Variants in LDB2 observed in about 807,000 individuals in gnomAD.
LDB2 encodes the protein LIM domain-binding protein 2.
Under a neutral mutation model 44.3 loss-of-function variants are expected in LDB2, and 12 were observed. That is an observed-to-expected ratio of 0.27 (90% confidence interval 0.17 to 0.44). The LOEUF is 0.44. Ranked by LOEUF, LDB2 falls within the 20% of genes least tolerant of loss-of-function variation. LDB2 has a pLI of 1.00. For missense variants in LDB2, 344 were observed against 473.5 expected, an observed-to-expected ratio of 0.73 and a Z score of 2.54; for synonymous variants, 164 against 174.8, an observed-to-expected ratio of 0.94 and a Z score of 0.49.
chr4:16,573,105 T>C (rs1291469012), intron 5 of LDB2, among the ~76,000 whole-genome samples: 3 of 152,238 alleles, frequency 2.0e-5, no homozygotes, highest in African/African-American at 7.2e-5. Flanking sequence ...CAGGAAAACG[T>C]TGCTGCGGGA....
intron 2 of LDB2, among the ~76,000 whole-genome samples, chr4:16,596,520 A>G (rs1704297156): frequency 6.6e-6 from 1 of 152,150 alleles, no homozygotes; most frequent in African/African-American, 2.4e-5. Context: ...TAAACACCCA[A>G]ATAACTGCTC....
At chr4:16,537,740 T>A (rs1032650965) in intron 5 of LDB2, among the ~76,000 whole-genome samples, 1 of 152,216 alleles carries the variant, frequency 6.6e-6, no homozygotes, top group Non-Finnish European at 1.5e-5. Context: ...GTAGAACTTA[T>A]GTGCAATACC....
At chr4:16,621,782 C>T (rs1728948308) in intron 2 of LDB2, among the ~76,000 whole-genome samples, 1 of 152,126 alleles carries the variant, frequency 6.6e-6, no homozygotes, top group Non-Finnish European at 1.5e-5. Flanking sequence ...TAGTCAATAA[C>T]TCTAGGCCTC....
intron 6 of LDB2, 56 bp from the exon 7 acceptor site, chr4:16,508,742 T>G (rs1720549028): frequency 1.9e-6 from 3 of 1,555,712 alleles, no homozygotes; most frequent in Non-Finnish European, 1.8e-6. Flanking sequence ...AACAAGGCAA[T>G]CATCAGTATG....
At chr4:16,875,772 C>T (rs939494872) in intron 1 of LDB2, among the ~76,000 whole-genome samples, 5 of 152,130 alleles carry the variant, frequency 3.3e-5, no homozygotes, top group South Asian at 2.1e-4. Flanking sequence ...GACCACCAGC[C>T]AAAGGCATGG....
chr4:16,553,926 C>T (rs1738544986), intron 5 of LDB2, among the ~76,000 whole-genome samples: 1 of 152,100 alleles, frequency 6.6e-6, no homozygotes, highest in African/African-American at 2.4e-5. Flanking sequence ...ATGCCCACAC[C>T]CTCAAACTCT....
chr4:16,507,098 G>C (rs992508388), intron 7 of LDB2: 1 of 151,840 alleles, frequency 6.6e-6, no homozygotes, highest in Non-Finnish European at 1.5e-5. Context: ...CCCTCTTTTG[G>C]CTTTTTCCCC....
At chr4:16,863,374 T>A (rs1713404043) in intron 1 of LDB2, among the ~76,000 whole-genome samples, 1 of 152,190 alleles carries the variant, frequency 6.6e-6, no homozygotes. Flanking sequence ...TTCAGGTATT[T>A]GTATTAGGTG....
intron 2 of LDB2, among the ~76,000 whole-genome samples, chr4:16,741,998 C>A (rs1290367236): frequency 1.3e-5 from 2 of 151,940 alleles, no homozygotes. Context: ...TATGTATTAG[C>A]TGAATGAACA....
intron 2 of LDB2, among the ~76,000 whole-genome samples, chr4:16,720,568 C>T (rs1323272799): frequency 6.6e-6 from 1 of 152,112 alleles, no homozygotes; most frequent in African/African-American, 2.4e-5. Context: ...GAGACAGAGG[C>T]CAGCTCTGAT....
chr4:16,762,695 G>T (rs1016029345), intron 1 of LDB2, among the ~76,000 whole-genome samples: 10 of 152,162 alleles, frequency 6.6e-5, no homozygotes, highest in Non-Finnish European at 4.4e-5. Flanking sequence ...CTCAAGATGA[G>T]ATTTGGGTGG....
chr4:16,795,454 C>CTAG (rs1243782740), intron 1 of LDB2, among the ~76,000 whole-genome samples: 1 of 152,154 alleles, frequency 6.6e-6, no homozygotes, highest in Non-Finnish European at 1.5e-5. Flanking sequence ...GCTGGTCTCC[C>CTAG]TCTAGTCCTA....
At chr4:16,651,681 C>T (rs1359245797) in intron 2 of LDB2, among the ~76,000 whole-genome samples, 5 of 152,128 alleles carry the variant, frequency 3.3e-5, no homozygotes, top group Non-Finnish European at 5.9e-5. Flanking sequence ...AGTCTTTCCT[C>T]GGCTAGACTT....
At chr4:16,647,130 A>G (rs1022291348) in intron 2 of LDB2, among the ~76,000 whole-genome samples, 1 of 152,218 alleles carries the variant, frequency 6.6e-6, no homozygotes, top group Non-Finnish European at 1.5e-5. Flanking sequence ...GGTCAGAAAA[A>G]GGAATGAAGT....
intron 2 of LDB2, among the ~76,000 whole-genome samples, chr4:16,699,819 A>T (rs1753034512): frequency 6.6e-6 from 1 of 152,206 alleles, no homozygotes. Context: ...TGTGCCTCAG[A>T]GGGACGAGAA....
chr4:16,843,726 A>G (rs909228917), intron 1 of LDB2, among the ~76,000 whole-genome samples: 1 of 152,166 alleles, frequency 6.6e-6, no homozygotes, highest in African/African-American at 2.4e-5. Flanking sequence ...GGTTCAAGCT[A>G]TTCTCCTGCC....
At chr4:16,894,463 A>G (rs746402305) in intron 1 of LDB2, among the ~76,000 whole-genome samples, 2 of 152,202 alleles carry the variant, frequency 1.3e-5, no homozygotes, top group Non-Finnish European at 2.9e-5. Context: ...AACAGCTAGC[A>G]GCATTTAAAA....
intron 1 of LDB2, among the ~76,000 whole-genome samples, chr4:16,841,388 T>C (rs1159385931): frequency 6.6e-6 from 1 of 152,254 alleles, no homozygotes; most frequent in African/African-American, 2.4e-5. Context: ...AATTAGATTA[T>C]GATGACATGG....
At chr4:16,553,886 C>T (rs914114705) in intron 5 of LDB2, among the ~76,000 whole-genome samples, 3 of 152,128 alleles carry the variant, frequency 2.0e-5, no homozygotes, top group African/African-American at 7.2e-5. Flanking sequence ...AGGTCACCCA[C>T]ATAGCTAGTG....
Sources: gnomAD v4.1 joint callset for allele counts (sites outside exome capture counted in the v4.1 genomes callset) on GRCh38, gnomAD v4.1.1 for gene constraint, MANE v1.5 for transcripts, NCBI Gene and HGNC (gene_info 2026-07-23, HGNC 2026-07-21) for gene names.